The following DENND5B variants were observed in gnomAD, a reference collection of about 807,000 sequenced individuals.
The protein encoded by DENND5B is DENN domain containing 5B, also known as DENN domain-containing protein 5B.
DENND5B carries 34 observed loss-of-function variants against 140.6 expected under a neutral mutation model. That is an observed-to-expected ratio of 0.24 (90% confidence interval 0.18 to 0.32). The LOEUF is 0.32. Ranked by LOEUF, DENND5B falls within the 10% of genes least tolerant of loss-of-function variation. The probability of loss-of-function intolerance (pLI) is 1.00; values close to 1 mark genes in which losing one functional copy is unlikely to be tolerated. For synonymous variants in DENND5B, 551 were observed against 562.1 expected (o/e 0.98, Z 0.28); for missense variants, 1,142 against 1,560.2 (o/e 0.73, Z 4.52).
At chr12:31,535,445 C>A (rs891500022) in intron 1 of DENND5B, among the ~76,000 whole-genome samples, 3 of 152,110 alleles carry the variant, frequency 2.0e-5, no homozygotes, top group African/African-American at 7.2e-5. Flanking sequence ...CACATACACA[C>A]ACACACACAC....
chr12:31,459,232 A>C (rs1944910918), intron 4 of DENND5B, among the ~76,000 whole-genome samples: 1 of 151,926 alleles, frequency 6.6e-6, no homozygotes, highest in South Asian at 2.1e-4. Flanking sequence ...AAGTAAAAAC[A>C]ACACCTAGGA....
At chr12:31,519,666 G>C (rs1947803238) in intron 1 of DENND5B, among the ~76,000 whole-genome samples, 1 of 152,160 alleles carries the variant, frequency 6.6e-6, no homozygotes, top group South Asian at 2.1e-4. Context: ...ATTTTTGTCT[G>C]ATCACTGTAG....
chr12:31,410,156 C>T (rs1942375631), intron 13 of DENND5B, among the ~76,000 whole-genome samples: 1 of 152,106 alleles, frequency 6.6e-6, no homozygotes, highest in Admixed American at 6.6e-5. Context: ...AAATGAATGC[C>T]ATTCTCACAG....
In DENND5B at chr12:31,493,588, G is replaced by A. The variant is rs139436318; in HGVS notation, c.237+2222C>T. On this transcript the variant is annotated intron_variant, in intron 2 of 20. Coordinates refer to ENST00000389082, the MANE Select transcript of DENND5B (RefSeq NM_144973.4). Reference sequence around the variant, plus strand: ...ATGTGCTCATAATACCAGCATTCTGGGAGGCTGAAGGAGGGCAGATCACTT... The same window carrying A: ...ATGTGCTCATAATACCAGCATTCTGAGAGGCTGAAGGAGGGCAGATCACTT... Among the ~76,000 whole-genome samples the A allele has an allele frequency of 4.2e-3, 632 of 152,256 alleles. 5 individuals are homozygous for A. Among genetic ancestry groups the A allele is most frequent in the African/African-American group, 0.014 (576 of 41,540 alleles).
chr12:31,525,994 G>A (rs971984850), intron 1 of DENND5B, among the ~76,000 whole-genome samples: 6 of 152,062 alleles, frequency 3.9e-5, no homozygotes, highest in East Asian at 3.9e-4. Flanking sequence ...ACCCTGTCTC[G>A]AATAAATTTT....
chr12:31,452,493 A>T lies in DENND5B; in HGVS notation c.1093-17T>A. On this transcript the variant is annotated splice_polypyrimidine_tract_variant and intron_variant, in intron 4 of 20. Coordinates refer to ENST00000389082, the MANE Select transcript of DENND5B (RefSeq NM_144973.4). Reference sequence around the variant, plus strand: ...CAAATTAGCCTGAAAGAGAAAAATGAAATACAAAGGTTTAAAATAAAGGAA... The same window carrying T: ...CAAATTAGCCTGAAAGAGAAAAATGTAATACAAAGGTTTAAAATAAAGGAA... 6.4e-7 allele frequency: 1 copy of T among 1,573,628 alleles called. No individual in the cohort carries two copies. Among genetic ancestry groups the T allele is most frequent in the Non-Finnish European group, 8.6e-7 (1 of 1,163,704 alleles).
At chr12:31,476,441 C>T (rs1256236027) in intron 3 of DENND5B, among the ~76,000 whole-genome samples, 11 of 149,754 alleles carry the variant, frequency 7.3e-5, no homozygotes, top group African/African-American at 1.2e-4. Context: ...ATTTTATACA[C>T]GTTTTCTTAT....
intron 1 of DENND5B, among the ~76,000 whole-genome samples, chr12:31,553,026 T>C (rs1179519986): frequency 1.3e-5 from 2 of 152,160 alleles, no homozygotes; most frequent in Non-Finnish European, 2.9e-5. Flanking sequence ...CCTGGATTCA[T>C]TAATTTTTTG....
chr12:31,535,579 A>G (rs1411129262), intron 1 of DENND5B, among the ~76,000 whole-genome samples: 1 of 152,180 alleles, frequency 6.6e-6, no homozygotes, highest in Non-Finnish European at 1.5e-5. Context: ...ATCCGCAAGA[A>G]CCACAGGTTA....
At chr12:31,509,853 C>G (rs930509666) in intron 1 of DENND5B, among the ~76,000 whole-genome samples, 1 of 152,128 alleles carries the variant, frequency 6.6e-6, no homozygotes, top group Admixed American at 6.5e-5. Flanking sequence ...TTTGAGCAAA[C>G]TTGAAGGAGA....
chr12:31,532,744 G>T (rs1438659193), intron 1 of DENND5B, among the ~76,000 whole-genome samples: 1 of 152,212 alleles, frequency 6.6e-6, no homozygotes, highest in Non-Finnish European at 1.5e-5. Flanking sequence ...TCTGGCTTTG[G>T]CAACTAGTTA....
chr12:31,435,774 C>A (rs909599647), intron 7 of DENND5B, among the ~76,000 whole-genome samples: 2 of 152,094 alleles, frequency 1.3e-5, no homozygotes, highest in African/African-American at 2.4e-5. Context: ...GATTCTCCTG[C>A]CTCAGTCTCC....
At chr12:31,579,615 T>C (rs1213291769) in intron 1 of DENND5B, among the ~76,000 whole-genome samples, 1 of 151,950 alleles carries the variant, frequency 6.6e-6, no homozygotes, top group Non-Finnish European at 1.5e-5. Context: ...GAGGCGAGAT[T>C]GCGCCACTGC....
intron 14 of DENND5B, among the ~76,000 whole-genome samples, chr12:31,403,464 G>A (rs988623965): frequency 3.3e-5 from 5 of 151,074 alleles, no homozygotes; most frequent in Non-Finnish European, 7.4e-5. Context: ...GTGGTGGCAG[G>A]CGCCTGAAAT....
At chr12:31,474,875 C>G (rs546761042) in intron 3 of DENND5B, among the ~76,000 whole-genome samples, 1 of 152,304 alleles carries the variant, frequency 6.6e-6, no homozygotes, top group East Asian at 1.9e-4. Flanking sequence ...TCATTTTATA[C>G]TCTACAATTA....
At chr12:31,477,073 C>A (rs1012531277) in intron 3 of DENND5B, among the ~76,000 whole-genome samples, 1 of 151,648 alleles carries the variant, frequency 6.6e-6, no homozygotes, top group South Asian at 2.1e-4. Flanking sequence ...ACTAAAAATA[C>A]AAAAATCAGC....
chr12:31,481,737 T>A (rs573488862), intron 2 of DENND5B, among the ~76,000 whole-genome samples: 3 of 152,254 alleles, frequency 2.0e-5, no homozygotes, highest in African/African-American at 7.2e-5. Flanking sequence ...AGGGCCTTGG[T>A]AGGCCATGTT....
intron 1 of DENND5B, among the ~76,000 whole-genome samples, chr12:31,506,569 G>A (rs551423157): frequency 8.5e-5 from 13 of 152,210 alleles, no homozygotes; most frequent in African/African-American, 3.1e-4. Flanking sequence ...CCAAATAGGC[G>A]TGCCCTTATT....
chr12:31,405,236 G>C (rs562762155), intron 14 of DENND5B, among the ~76,000 whole-genome samples: 1 of 149,190 alleles, frequency 6.7e-6, no homozygotes, highest in East Asian at 2.0e-4. Flanking sequence ...TTTTTTTTGA[G>C]ACACGGTCTC....
Sources: allele counts gnomAD v4.1 joint callset (sites outside exome capture counted in the v4.1 genomes callset), GRCh38; gene constraint gnomAD v4.1.1; transcripts MANE v1.5; gene names NCBI Gene and HGNC (gene_info 2026-07-23, HGNC 2026-07-21).